Variants in DAB1 observed in about 807,000 individuals in gnomAD.
DAB1 encodes disabled homolog 1.
DAB1 carries 15 observed loss-of-function variants against 64.6 expected under a neutral mutation model. The ratio of observed to expected loss-of-function variants is 0.23; its 90% CI spans 0.16 to 0.36. The LOEUF (loss-of-function observed/expected upper bound fraction) is 0.36, where lower values mean the gene tolerates loss of function less well. Among genes scored for constraint, DAB1 ranks in the 10% least tolerant of loss-of-function variants. DAB1 has a pLI of 1.00. For synonymous variants in DAB1, 235 were observed against 251.9 expected (o/e 0.93, Z 0.64); for missense variants, 596 against 706.7 (o/e 0.84, Z 1.78).
intron 7 of DAB1, among the ~76,000 whole-genome samples, chr1:57,546,460 C>T (rs1018147601): frequency 4.6e-5 from 7 of 152,220 alleles, no homozygotes; most frequent in African/African-American, 1.7e-4. Context: ...TGAATCCCAG[C>T]TCAACCACTT....
intron 4 of DAB1, among the ~76,000 whole-genome samples, chr1:58,255,563 A>C (rs1470186553): frequency 6.6e-6 from 1 of 152,134 alleles, no homozygotes; most frequent in East Asian, 1.9e-4. Context: ...TATCTCTCCC[A>C]GTCTCAAACA....
chr1:57,183,580 G>T (rs925247756), intron 2 of DAB1, among the ~76,000 whole-genome samples: 8 of 152,152 alleles, frequency 5.3e-5, no homozygotes, highest in Admixed American at 2.0e-4. Context: ...GTCACATTCT[G>T]ATGGAGATGT....
At chr1:57,061,381 A>G (rs961780624) in intron 9 of DAB1, among the ~76,000 whole-genome samples, 7 of 152,166 alleles carry the variant, frequency 4.6e-5, no homozygotes, top group Non-Finnish European at 1.0e-4. Flanking sequence ...ACAGAGTCTT[A>G]GGTTTGGAAG....
At chr1:57,586,925 C>G (rs2101562958) in intron 7 of DAB1, among the ~76,000 whole-genome samples, 1 of 152,178 alleles carries the variant, frequency 6.6e-6, no homozygotes, top group South Asian at 2.1e-4. Flanking sequence ...ATTACAAAGT[C>G]TGGCATGTGG....
intron 5 of DAB1, among the ~76,000 whole-genome samples, chr1:58,038,256 G>C (rs1647077801): frequency 1.3e-5 from 2 of 152,144 alleles, no homozygotes; most frequent in Non-Finnish European, 1.5e-5. Context: ...GGCATTCCAG[G>C]ACACATTTTG....
intron 5 of DAB1, among the ~76,000 whole-genome samples, chr1:57,911,996 T>C (rs1385241750): frequency 6.6e-6 from 1 of 152,184 alleles, no homozygotes; most frequent in African/African-American, 2.4e-5. Context: ...GTTTGTCTTT[T>C]CCCAACTGGA....
intron 1 of DAB1, among the ~76,000 whole-genome samples, chr1:57,326,590 A>AAAC (rs1676175101): frequency 6.6e-6 from 1 of 152,172 alleles, no homozygotes; most frequent in Non-Finnish European, 1.5e-5. Context: ...TGGGTGGCTT[A>AAAC]AACAACAGAA....
At chr1:57,658,405 G>A (rs959067299) in intron 6 of DAB1, among the ~76,000 whole-genome samples, 29 of 147,932 alleles carry the variant, frequency 2.0e-4, no homozygotes, top group Middle Eastern at 3.6e-3. Context: ...CCGGGTTCAC[G>A]CCATTCTCCT....
chr1:57,491,223 T>C (rs1644159395), intron 7 of DAB1, among the ~76,000 whole-genome samples: 3 of 152,042 alleles, frequency 2.0e-5, no homozygotes, highest in Non-Finnish European at 2.9e-5. Context: ...GTTCAGGAGA[T>C]GGAGACCTTC....
chr1:57,340,532 C>T (rs1034547139), intron 1 of DAB1, among the ~76,000 whole-genome samples: 4 of 152,198 alleles, frequency 2.6e-5, no homozygotes, highest in African/African-American at 7.2e-5. Flanking sequence ...ACCGTGGAAA[C>T]GCAGTCACTG....
chr1:57,146,639 C>A (rs1659166538), intron 2 of DAB1, among the ~76,000 whole-genome samples: 1 of 152,216 alleles, frequency 6.6e-6, no homozygotes, highest in African/African-American at 2.4e-5. Context: ...TTTCTATTGA[C>A]AAAACACAAC....
At chr1:57,268,184 G>T (rs1406665725) in intron 2 of DAB1, among the ~76,000 whole-genome samples, 3 of 152,240 alleles carry the variant, frequency 2.0e-5, no homozygotes, top group African/African-American at 7.2e-5. Context: ...GGGAACAGGC[G>T]GTGTGCACCC....
At chr1:57,778,747 G>A (rs1414025185) in intron 6 of DAB1, among the ~76,000 whole-genome samples, 1 of 152,078 alleles carries the variant, frequency 6.6e-6, no homozygotes, top group Non-Finnish European at 1.5e-5. Flanking sequence ...TTGTGATTAT[G>A]GATCCTGTCA....
intron 9 of DAB1, among the ~76,000 whole-genome samples, chr1:57,043,172 C>T (rs1486029761): frequency 6.6e-6 from 1 of 152,128 alleles, no homozygotes; most frequent in Non-Finnish European, 1.5e-5. Flanking sequence ...CTGAAAGTCT[C>T]GCCAATATCT....
At chr1:57,538,866 C>G (rs1478196763) in intron 7 of DAB1, among the ~76,000 whole-genome samples, 2 of 152,222 alleles carry the variant, frequency 1.3e-5, no homozygotes, top group Non-Finnish European at 2.9e-5. Context: ...CCCTACAACT[C>G]TCCAACCCTC....
At chr1:57,290,016 T>C (rs1168091504) in intron 2 of DAB1, among the ~76,000 whole-genome samples, 1 of 152,244 alleles carries the variant, frequency 6.6e-6, no homozygotes, top group African/African-American at 2.4e-5. Flanking sequence ...TTGCCAGATA[T>C]CTCTGGCTCC....
At chr1:57,003,926 T>C (rs1318644491) in intron 14 of DAB1, among the ~76,000 whole-genome samples, 1 of 152,212 alleles carries the variant, frequency 6.6e-6, no homozygotes, top group African/African-American at 2.4e-5. Context: ...CCTATCTCAG[T>C]GCCAGCTCTG....
chr1:57,441,347 C>CT (rs1398301955), intron 7 of DAB1, among the ~76,000 whole-genome samples: 1 of 141,188 alleles, frequency 7.1e-6, no homozygotes, highest in South Asian at 2.3e-4. Context: ...TTCTTTCTTT[C>CT]TTTTTTTCTT....
chr1:57,249,294 G>T (rs1223042315), intron 2 of DAB1, among the ~76,000 whole-genome samples: 3 of 152,142 alleles, frequency 2.0e-5, no homozygotes, highest in Non-Finnish European at 4.4e-5. Flanking sequence ...CCTTATTCTA[G>T]AAGCTGGACA....
Sources: allele counts gnomAD v4.1 joint callset (sites outside exome capture counted in the v4.1 genomes callset), GRCh38; gene constraint gnomAD v4.1.1; transcripts MANE v1.5; gene names NCBI Gene and HGNC (gene_info 2026-07-23, HGNC 2026-07-21).